IGSF21: variants seen among roughly 807,000 people sequenced by gnomAD.
The protein encoded by IGSF21 is immunoglobin superfamily member 21.
Under a neutral mutation model 46.8 loss-of-function variants are expected in IGSF21, and 28 were observed. The observed-to-expected ratio is 0.60, with a 90% CI of 0.44 to 0.82. IGSF21 has a LOEUF of 0.82. Among genes scored for constraint, IGSF21 ranks in the 40% least tolerant of loss-of-function variants. The probability of loss-of-function intolerance (pLI) is 0.00; values close to 1 mark genes in which losing one functional copy is unlikely to be tolerated. For synonymous variants in IGSF21, 284 were observed against 273.6 expected, an observed-to-expected ratio of 1.04 and a Z score of -0.38; for missense variants, 624 against 665.5, an observed-to-expected ratio of 0.94 and a Z score of 0.69.
chr1:18,258,152 C>T (rs2084908910), intron 2 of IGSF21, among the ~76,000 whole-genome samples: 1 of 152,070 alleles, frequency 6.6e-6, no homozygotes, highest in South Asian at 2.1e-4. Flanking sequence ...TTAAGGTGAC[C>T]CACCAAGGAT....
intron 2 of IGSF21, among the ~76,000 whole-genome samples, chr1:18,287,632 G>A (rs1472083364): frequency 6.6e-6 from 1 of 152,122 alleles, no homozygotes; most frequent in Non-Finnish European, 1.5e-5. Context: ...GTTGTCGGTC[G>A]GCCCTGGCCT....
At chr1:18,359,388 AAGGAAGGAAGGAAGGAAGGAAGG>A (rs2086066228) in intron 4 of IGSF21, among the ~76,000 whole-genome samples, 5 of 78,464 alleles carry the variant, frequency 6.4e-5, no homozygotes, top group Admixed American at 1.3e-4. Context: ...GAAAGAAAGG[AAGGAAGGAAGGAAGGAAGGAAGG>A]AAGGAAGGAA....
At chr1:18,239,757 C>A (rs1015535175) in intron 2 of IGSF21, among the ~76,000 whole-genome samples, 3 of 152,100 alleles carry the variant, frequency 2.0e-5, no homozygotes, top group African/African-American at 4.8e-5. Context: ...GTGTTGCCCC[C>A]CCTCCCCGCC....
intron 1 of IGSF21, 34 bp downstream of exon 1, chr1:18,108,232 G>C: frequency 2.3e-6 from 3 of 1,330,044 alleles, no homozygotes; most frequent in Non-Finnish European, 2.9e-6. Flanking sequence ...GAGCCGAGCG[G>C]TGAACGTGCG....
At chr1:18,153,265 T>C (rs2086537016) in intron 1 of IGSF21, among the ~76,000 whole-genome samples, 1 of 152,226 alleles carries the variant, frequency 6.6e-6, no homozygotes, top group South Asian at 2.1e-4. Flanking sequence ...GGAACAGTTA[T>C]AGATGGTTTT....
intron 1 of IGSF21, among the ~76,000 whole-genome samples, chr1:18,214,134 A>G (rs1381814187): frequency 6.6e-6 from 1 of 152,254 alleles, no homozygotes; most frequent in Non-Finnish European, 1.5e-5. Flanking sequence ...TAAATAATAC[A>G]TACATCATGA....
At chr1:18,318,397 G>C (rs911188095) in intron 3 of IGSF21, among the ~76,000 whole-genome samples, 2 of 152,140 alleles carry the variant, frequency 1.3e-5, no homozygotes, top group Non-Finnish European at 2.9e-5. Flanking sequence ...GTACCAGCTT[G>C]CTGAGCCACA....
At chr1:18,347,411 C>G (rs1228666406) in intron 4 of IGSF21, among the ~76,000 whole-genome samples, 4 of 152,176 alleles carry the variant, frequency 2.6e-5, no homozygotes, top group Non-Finnish European at 5.9e-5. Flanking sequence ...CTTGACGTTC[C>G]CACTCCATGA....
At chr1:18,227,407 C>A (rs147920213) in intron 1 of IGSF21, among the ~76,000 whole-genome samples, 10 of 151,850 alleles carry the variant, frequency 6.6e-5, no homozygotes, top group African/African-American at 1.9e-4. Flanking sequence ...GCTGAGCGAC[C>A]CATATTCAAA....
chr1:18,277,232 C>G (rs535231585), intron 2 of IGSF21, among the ~76,000 whole-genome samples: 10 of 152,192 alleles, frequency 6.6e-5, no homozygotes, highest in Non-Finnish European at 1.5e-4. Flanking sequence ...TGTCTCAGGC[C>G]GATCACTCCA....
chr1:18,314,292 T>TC, intron 3 of IGSF21, among the ~76,000 whole-genome samples: 1 of 129,044 alleles, frequency 7.7e-6, no homozygotes, highest in East Asian at 1.9e-4. Flanking sequence ...GTGGTTTTTT[T>TC]TTTTTTAAAC....
At chr1:18,375,522 G>A (rs561720935) in intron 6 of IGSF21, among the ~76,000 whole-genome samples, 2 of 152,310 alleles carry the variant, frequency 1.3e-5, no homozygotes, top group Non-Finnish European at 2.9e-5. Context: ...ATGCCTTTGG[G>A]CATCTTGGCT....
chr1:18,142,831 C>A (rs532626989), intron 1 of IGSF21, among the ~76,000 whole-genome samples: 1 of 152,312 alleles, frequency 6.6e-6, no homozygotes, highest in East Asian at 1.9e-4. Context: ...GGGACAAATG[C>A]CCATCCAGAT....
At chr1:18,143,766 G>C (rs2086440004) in intron 1 of IGSF21, among the ~76,000 whole-genome samples, 1 of 152,128 alleles carries the variant, frequency 6.6e-6, no homozygotes, top group African/African-American at 2.4e-5. Flanking sequence ...CTATGTCTCT[G>C]TTAAAGGGTT....
rs148559214 is a variant in IGSF21, at chr1:18,256,123, G to C, written c.183+28113G>C. ...CCTGATGGGCTAGCCATGCAATGGG[G>C]CTTCTTTCTATTCATCAAATTAGCC... On this transcript the variant is annotated intron_variant, in intron 2 of 9. Transcript: ENST00000251296. 4.6e-5 allele frequency among the ~76,000 whole-genome samples: 7 copies of C among 152,260 alleles called. No homozygotes were observed. The East Asian group carries it at 9.7e-4, about 21-fold the overall frequency.
At chr1:18,166,575 C>T (rs2086680822) in intron 1 of IGSF21, among the ~76,000 whole-genome samples, 1 of 152,234 alleles carries the variant, frequency 6.6e-6, no homozygotes, top group Admixed American at 6.5e-5. Context: ...AGCTCCGTGT[C>T]TGGCCCGTCA....
At chr1:18,341,077 C>CT (rs2085834411) in intron 4 of IGSF21, among the ~76,000 whole-genome samples, 5 of 43,634 alleles carry the variant, frequency 1.1e-4, no homozygotes, top group East Asian at 7.1e-4. Context: ...TCTTCTTCTT[C>CT]TCCTCCTCCT....
intron 1 of IGSF21, among the ~76,000 whole-genome samples, chr1:18,223,409 C>T (rs1332190566): frequency 6.6e-6 from 1 of 152,192 alleles, no homozygotes; most frequent in Non-Finnish European, 1.5e-5. Context: ...CTGCTCCAGC[C>T]AGTAGCAAGA....
intron 2 of IGSF21, among the ~76,000 whole-genome samples, chr1:18,251,190 T>C (rs913891880): frequency 1.3e-5 from 2 of 152,130 alleles, no homozygotes; most frequent in Admixed American, 6.5e-5. Context: ...TTGGGCTTTG[T>C]AGATCTTATT....
Sources: allele counts gnomAD v4.1 joint callset (sites outside exome capture counted in the v4.1 genomes callset), GRCh38; gene constraint gnomAD v4.1.1; transcripts MANE v1.5; gene names NCBI Gene and HGNC (gene_info 2026-07-23, HGNC 2026-07-21).